FOXP2: variants seen among roughly 807,000 people sequenced by gnomAD.
FOXP2 encodes forkhead box protein P2.
In FOXP2, 12 loss-of-function variants were observed where a neutral mutation model predicts 115.8. That is an observed-to-expected ratio of 0.10 (90% CI 0.07 to 0.17). The LOEUF (loss-of-function observed/expected upper bound fraction) is 0.17. Ranked by LOEUF, FOXP2 falls within the 10% of genes least tolerant of loss-of-function variation. The pLI, the probability that FOXP2 is intolerant of heterozygous loss-of-function variation, is 1.00. For synonymous variants in FOXP2, 328 were observed against 297.7 expected, an observed-to-expected ratio of 1.10 and a Z score of -1.05; for missense variants, 629 against 843.5, an observed-to-expected ratio of 0.75 and a Z score of 3.15.
intron 3 of FOXP2, chr7:114,613,831 A>G (rs1363112691): frequency 2.0e-5 from 3 of 151,896 alleles, no homozygotes; most frequent in African/African-American, 7.3e-5. Flanking sequence ...CGTACCAAGT[A>G]GTTACCAGGC....
chr7:114,453,192 T>G (rs1795143297), intron 2 of FOXP2, among the ~76,000 whole-genome samples: 1 of 152,114 alleles, frequency 6.6e-6, no homozygotes, highest in Admixed American at 6.6e-5. Context: ...GGAGAACATC[T>G]ATTCCAATTT....
In FOXP2 at chr7:114,414,947, A is replaced by C. The variant is rs1186878356; in HGVS notation, c.-424A>C. On this transcript the variant is annotated 5_prime_UTR_variant, in exon 1 of 17. Transcript: ENST00000350908. ...GCACACACACACATACACACACACA[A>C]AAATGAAGCACTTACTTTAGAAAGA... 2 of 405,470 alleles carry C rather than the reference A, an allele frequency of 4.9e-6. No individual in the cohort carries two copies. Among genetic ancestry groups the C allele is most frequent in the Admixed American group, 2.6e-5 (1 of 38,732 alleles). 25.1% of individuals were successfully genotyped at this position (405,470 alleles called of 1,614,324 possible).
chr7:114,204,125 G>T (rs550518987), intron 1 of FOXP2, among the ~76,000 whole-genome samples: 57 of 151,910 alleles, frequency 3.8e-4, no homozygotes, highest in Non-Finnish European at 7.2e-4. Context: ...CAATATGTCC[G>T]ATAAAAGTAT....
chr7:114,591,736 T>A (rs2129308274), intron 3 of FOXP2, among the ~76,000 whole-genome samples: 1 of 152,170 alleles, frequency 6.6e-6, no homozygotes, highest in Middle Eastern at 3.4e-3. Flanking sequence ...ATGTACAGGG[T>A]TACACCTTGT....
At chr7:114,364,882 G>A (rs1459610765) in intron 2 of FOXP2, among the ~76,000 whole-genome samples, 2 of 152,098 alleles carry the variant, frequency 1.3e-5, no homozygotes, top group African/African-American at 4.8e-5. Context: ...TATGATTTGG[G>A]TAAAAGAGTA....
At chr7:114,323,719 A>G (rs1350623443) in intron 2 of FOXP2, among the ~76,000 whole-genome samples, 1 of 152,024 alleles carries the variant, frequency 6.6e-6, no homozygotes, top group Non-Finnish European at 1.5e-5. Context: ...TTTAAACAAT[A>G]TGAAATACCA....
intron 16 of FOXP2, among the ~76,000 whole-genome samples, chr7:114,684,576 A>G (rs1563078163): frequency 2.0e-5 from 3 of 152,228 alleles, no homozygotes; most frequent in Admixed American, 6.5e-5. Context: ...TTCGCAGGTC[A>G]TTTGTGAGAC....
intron 3 of FOXP2, among the ~76,000 whole-genome samples, chr7:114,587,669 A>C (rs1009565355): frequency 4.6e-5 from 7 of 151,828 alleles, no homozygotes; most frequent in Non-Finnish European, 1.0e-4. Flanking sequence ...GAAAACTGTG[A>C]CTAATTCATT....
At chr7:114,597,117 A>T (rs1802764360) in intron 3 of FOXP2, among the ~76,000 whole-genome samples, 1 of 152,244 alleles carries the variant, frequency 6.6e-6, no homozygotes, top group African/African-American at 2.4e-5. Context: ...ATTTTAAATC[A>T]TTGCTGCAAA....
intron 2 of FOXP2, among the ~76,000 whole-genome samples, chr7:114,530,578 T>C (rs1799096983): frequency 6.6e-6 from 1 of 151,986 alleles, no homozygotes; most frequent in South Asian, 2.1e-4. Context: ...TTTTTTTGTT[T>C]TACTGCGTAT....
chr7:114,525,525 A>G (rs922561677), intron 2 of FOXP2, among the ~76,000 whole-genome samples: 1 of 152,134 alleles, frequency 6.6e-6, no homozygotes, highest in Admixed American at 6.6e-5. Flanking sequence ...ACCACTTTTT[A>G]CCTATCAGCT....
upstream of FOXP2, among the ~76,000 whole-genome samples, chr7:114,413,940 G>A (rs1793237761): frequency 6.6e-6 from 1 of 152,086 alleles, no homozygotes; most frequent in African/African-American, 2.4e-5. Context: ...TCACGATGGT[G>A]TTCAGCTGAG....
At chr7:114,484,271 T>C (rs1241704522) in intron 2 of FOXP2, among the ~76,000 whole-genome samples, 2 of 151,880 alleles carry the variant, frequency 1.3e-5, no homozygotes, top group Non-Finnish European at 3.0e-5. Flanking sequence ...GCAAGAGAAT[T>C]TGTGTATTTG....
intron 1 of FOXP2, among the ~76,000 whole-genome samples, chr7:114,135,444 T>C (rs1352903307): frequency 6.6e-6 from 1 of 152,190 alleles, no homozygotes; most frequent in Non-Finnish European, 1.5e-5. Context: ...TATGGATTTC[T>C]TTCCTTTGTT....
chr7:114,350,748 A>T (rs568557302), intron 2 of FOXP2, among the ~76,000 whole-genome samples: 1 of 152,280 alleles, frequency 6.6e-6, no homozygotes, highest in East Asian at 1.9e-4. Flanking sequence ...GATATTGGTT[A>T]TTCTGCTACA....
intron 6 of FOXP2, among the ~76,000 whole-genome samples, chr7:114,634,390 A>G (rs1805099355): frequency 6.6e-6 from 1 of 152,112 alleles, no homozygotes; most frequent in African/African-American, 2.4e-5. Flanking sequence ...ATTAAAATAT[A>G]TGTATATAAC....
intron 16 of FOXP2, among the ~76,000 whole-genome samples, chr7:114,674,810 C>G (rs1296879969): frequency 6.6e-6 from 1 of 151,848 alleles, no homozygotes; most frequent in Non-Finnish European, 1.5e-5. Flanking sequence ...GTGGAGAAAG[C>G]CTGGTTTATT....
At chr7:114,361,250 G>T (rs1225070650) in intron 2 of FOXP2, among the ~76,000 whole-genome samples, 2 of 152,020 alleles carry the variant, frequency 1.3e-5, no homozygotes, top group Non-Finnish European at 2.9e-5. Flanking sequence ...AGCACAATTT[G>T]CCTAGGATAA....
intron 2 of FOXP2, among the ~76,000 whole-genome samples, chr7:114,374,864 A>G: frequency 6.6e-6 from 1 of 152,190 alleles, no homozygotes; most frequent in East Asian, 1.9e-4. Flanking sequence ...AAATGCATAG[A>G]ACTGGCAGCA....
Sources: allele counts gnomAD v4.1 joint callset (sites outside exome capture counted in the v4.1 genomes callset), GRCh38; gene constraint gnomAD v4.1.1; transcripts MANE v1.5; gene names NCBI Gene and HGNC (gene_info 2026-07-23, HGNC 2026-07-21).